CACNA2D3: variants seen among roughly 807,000 people sequenced by gnomAD.
CACNA2D3 encodes the protein voltage-dependent calcium channel subunit alpha-2/delta-3.
CACNA2D3 carries 60 observed loss-of-function variants against 160.6 expected under a neutral mutation model. The ratio of observed to expected loss-of-function variants is 0.37; its 90% CI spans 0.30 to 0.46. CACNA2D3 has a LOEUF of 0.46. Ranked by LOEUF, CACNA2D3 falls within the 20% of genes least tolerant of loss-of-function variation. CACNA2D3 has a pLI of 1.00. For synonymous variants in CACNA2D3, 558 were observed against 492.9 expected (o/e 1.13, Z -1.75); for missense variants, 1,205 against 1,365.0 (o/e 0.88, Z 1.85).
chr3:54,559,038 C>CTCCTCT (rs1295254269), intron 5 of CACNA2D3, among the ~76,000 whole-genome samples: 1 of 152,154 alleles, frequency 6.6e-6, no homozygotes, highest in African/African-American at 2.4e-5. Flanking sequence ...TCTCCTCCTC[C>CTCCTCT]TCCTCTTCCT....
rs2107002099 is a variant in CACNA2D3, at chr3:54,726,616, T to TC, written c.1168-25983_1168-25982insC. On this transcript the variant is annotated intron_variant, in intron 11 of 37. Coordinates refer to ENST00000474759, the MANE Select transcript of CACNA2D3 (RefSeq NM_018398.3). ...GGCCTCGGAAATAACACCACACATCTACAACAATCTGATCTTTGAGAAACC... is the reference window on the plus strand; with the variant it reads ...GGCCTCGGAAATAACACCACACATCTCACAACAATCTGATCTTTGAGAAACC... 1.3e-5 allele frequency among the ~76,000 whole-genome samples: 2 copies of TC among 152,266 alleles called. 1 individual carries two copies. The highest frequency in any genetic ancestry group is 4.1e-4 in the South Asian group (2 of 4,820).
At chr3:54,991,099 C>G (rs916190554) in intron 31 of CACNA2D3, among the ~76,000 whole-genome samples, 5 of 152,166 alleles carry the variant, frequency 3.3e-5, no homozygotes, top group Non-Finnish European at 7.3e-5. Context: ...TTGTCCTTGA[C>G]AGATCTTACC....
At chr3:54,721,007 A>G (rs1196269619) in intron 11 of CACNA2D3, among the ~76,000 whole-genome samples, 1 of 152,162 alleles carries the variant, frequency 6.6e-6, no homozygotes, top group Non-Finnish European at 1.5e-5. Flanking sequence ...TGATTAATCT[A>G]AAAAAGGCAA....
intron 3 of CACNA2D3, among the ~76,000 whole-genome samples, chr3:54,346,027 TG>T (rs1159983221): frequency 2.2e-5 from 3 of 139,398 alleles, no homozygotes; most frequent in Admixed American, 7.2e-5. Context: ...TGGTGGAGGC[TG>T]GGGGTAAGGG....
At chr3:54,575,164 C>T (rs757526503) in intron 8 of CACNA2D3, among the ~76,000 whole-genome samples, 2 of 152,170 alleles carry the variant, frequency 1.3e-5, no homozygotes, top group South Asian at 2.1e-4. Flanking sequence ...ATTACATAAT[C>T]CCTACATGTT....
chr3:54,284,958 G>C (rs751842092), intron 2 of CACNA2D3, among the ~76,000 whole-genome samples: 2 of 152,196 alleles, frequency 1.3e-5, no homozygotes, highest in African/African-American at 4.8e-5. Flanking sequence ...TACCTACGAA[G>C]ATGGCCGAAT....
chr3:54,877,904 G>T (rs1470460967), intron 18 of CACNA2D3, among the ~76,000 whole-genome samples: 1 of 152,112 alleles, frequency 6.6e-6, no homozygotes, highest in Non-Finnish European at 1.5e-5. Context: ...TTAGAAAGTA[G>T]ACTTAATTAG....
chr3:54,871,224 C>T (rs112034478), intron 17 of CACNA2D3, among the ~76,000 whole-genome samples: 29 of 109,170 alleles, frequency 2.7e-4, no homozygotes, highest in African/African-American at 9.7e-4. Context: ...CACACACACA[C>T]CCCCCATTCA....
chr3:54,931,262 G>GT (rs1337393642), intron 27 of CACNA2D3, among the ~76,000 whole-genome samples: 1 of 152,124 alleles, frequency 6.6e-6, no homozygotes, highest in East Asian at 1.9e-4. Context: ...TGCCCAAGGG[G>GT]TTTTTTTGGT....
At chr3:54,934,847 T>G (rs1267100848) in intron 27 of CACNA2D3, among the ~76,000 whole-genome samples, 3 of 152,174 alleles carry the variant, frequency 2.0e-5, no homozygotes. Context: ...TTCTCATGCC[T>G]CAGCCTCCCG....
rs113209068 is a variant in CACNA2D3, at chr3:54,512,213, GGT to G, written c.544+8565_544+8566del. 3.8e-3 allele frequency among the ~76,000 whole-genome samples: 576 copies of G among 152,200 alleles called. 5 individuals carry two copies. The highest frequency in any genetic ancestry group is 0.013 in the African/African-American group (541 of 41,522). ...CTGGCCAGCCATCGGGCTCGCACAG[GGT>G]GTGTGGTATGAATGTGAATATAATA... On this transcript the variant is annotated intron_variant, in intron 5 of 37. Transcript: ENST00000474759.
intron 16 of CACNA2D3, among the ~76,000 whole-genome samples, chr3:54,842,663 C>T (rs1414876287): frequency 6.0e-5 from 9 of 149,676 alleles, no homozygotes; most frequent in South Asian, 2.1e-4. Context: ...TACCGTGGCA[C>T]GATCTTGGCT....
intron 11 of CACNA2D3, among the ~76,000 whole-genome samples, chr3:54,733,763 TATA>T (rs1330425635): frequency 2.0e-5 from 3 of 152,198 alleles, no homozygotes; most frequent in African/African-American, 7.2e-5. Flanking sequence ...TTAAAGGCAG[TATA>T]ATAATTGTAG....
At chr3:54,753,215 T>C (rs527572135) in intron 12 of CACNA2D3, among the ~76,000 whole-genome samples, 4 of 152,316 alleles carry the variant, frequency 2.6e-5, no homozygotes, top group South Asian at 4.1e-4. Flanking sequence ...ACTCTTCTGC[T>C]TAGTAGCTGA....
intron 5 of CACNA2D3, among the ~76,000 whole-genome samples, chr3:54,518,949 T>A (rs1271719956): frequency 2.4e-5 from 1 of 42,338 alleles, no homozygotes; most frequent in African/African-American, 9.3e-5. Context: ...CTTGAGAAAT[T>A]GAGGGGGGAG....
intron 2 of CACNA2D3, among the ~76,000 whole-genome samples, chr3:54,220,041 C>T (rs936471574): frequency 6.6e-6 from 1 of 152,100 alleles, no homozygotes; most frequent in African/African-American, 2.4e-5. Flanking sequence ...TGTGTTTGCT[C>T]TTCTGTTTCT....
At chr3:54,475,125 A>G (rs2106883853) in intron 4 of CACNA2D3, among the ~76,000 whole-genome samples, 1 of 152,336 alleles carries the variant, frequency 6.6e-6, no homozygotes, top group Non-Finnish European at 1.5e-5. Flanking sequence ...CTTAGGCGAC[A>G]GAAATTATCC....
chr3:54,491,641 G>A (rs1351402433), intron 4 of CACNA2D3, among the ~76,000 whole-genome samples: 1 of 152,178 alleles, frequency 6.6e-6, no homozygotes, highest in East Asian at 1.9e-4. Context: ...GGGCTTGCGG[G>A]CCATGTCCTG....
intron 11 of CACNA2D3, among the ~76,000 whole-genome samples, chr3:54,643,563 A>C (rs1339895725): frequency 6.6e-6 from 1 of 152,214 alleles, no homozygotes; most frequent in Non-Finnish European, 1.5e-5. Context: ...GATCAACCAT[A>C]AACACTGAGT....
Sources: gnomAD v4.1 joint callset for allele counts (sites outside exome capture counted in the v4.1 genomes callset) on GRCh38, gnomAD v4.1.1 for gene constraint, MANE v1.5 for transcripts, NCBI Gene and HGNC (gene_info 2026-07-23, HGNC 2026-07-21) for gene names.